RBPMS: variants seen among roughly 807,000 people sequenced by gnomAD.
The protein encoded by RBPMS is RNA-binding protein with multiple splicing.
Under a neutral mutation model 26.8 loss-of-function variants are expected in RBPMS, and 7 were observed. The ratio of observed to expected loss-of-function variants is 0.26; its 90% CI spans 0.15 to 0.49. RBPMS has a LOEUF of 0.49. RBPMS is among the 20% of genes least tolerant of loss of function. The probability of loss-of-function intolerance (pLI) is 0.98; values close to 1 mark genes in which losing one functional copy is unlikely to be tolerated. For missense variants in RBPMS, 186 were observed against 250.0 expected (o/e 0.74, Z 1.73); for synonymous variants, 96 against 93.3 (o/e 1.03, Z -0.17).
At chr8:30,467,076 A>G (rs750811320) in intron 1 of RBPMS, among the ~76,000 whole-genome samples, 6 of 152,256 alleles carry the variant, frequency 3.9e-5, no homozygotes, top group Admixed American at 6.5e-5. Flanking sequence ...AGTGCCAACT[A>G]GAAACTGGAG....
chr8:30,551,681 T>C (rs923269870), intron 6 of RBPMS, among the ~76,000 whole-genome samples: 1 of 152,136 alleles, frequency 6.6e-6, no homozygotes, highest in African/African-American at 2.4e-5. Flanking sequence ...GCTCGGCTCT[T>C]CCCTGGGATT....
intron 6 of RBPMS, chr8:30,544,887 A>G (rs900203300): frequency 7.4e-6 from 11 of 1,492,760 alleles, no homozygotes; most frequent in Middle Eastern, 1.7e-4. Flanking sequence ...ATCGCACATG[A>G]GAGACCGGGG....
At chr8:30,501,510 G>A (rs1336781419) in intron 4 of RBPMS, among the ~76,000 whole-genome samples, 1 of 152,082 alleles carries the variant, frequency 6.6e-6, no homozygotes, top group Non-Finnish European at 1.5e-5. Flanking sequence ...TTCAGCCTCT[G>A]TAGATTATAT....
intron 6 of RBPMS, among the ~76,000 whole-genome samples, chr8:30,557,094 A>G (rs1826995021): frequency 6.6e-6 from 1 of 152,122 alleles, no homozygotes; most frequent in Admixed American, 6.5e-5. Context: ...CCTTTCCCTG[A>G]TACTGGGGAC....
chr8:30,560,101 G>T (rs1827322563), intron 7 of RBPMS, among the ~76,000 whole-genome samples: 2 of 152,198 alleles, frequency 1.3e-5, no homozygotes, highest in Admixed American at 1.3e-4. Context: ...GCGCAGGTCA[G>T]TGCCTGTCAG....
At chr8:30,454,588 C>T (rs1309570414) in intron 1 of RBPMS, among the ~76,000 whole-genome samples, 1 of 152,036 alleles carries the variant, frequency 6.6e-6, no homozygotes, top group East Asian at 1.9e-4. Context: ...GTTTATGTAC[C>T]ATCCTCTTTG....
intron 5 of RBPMS, among the ~76,000 whole-genome samples, chr8:30,515,443 GAT>G (rs1822204516): frequency 6.6e-6 from 1 of 152,136 alleles, no homozygotes; most frequent in African/African-American, 2.4e-5. Context: ...TGACCAGCTA[GAT>G]GCATGTCTCT....
intron 1 of RBPMS, among the ~76,000 whole-genome samples, chr8:30,432,170 T>TC (rs1281535972): frequency 2.0e-5 from 3 of 152,260 alleles, no homozygotes; most frequent in East Asian, 1.9e-4. Context: ...TTCAAAGACT[T>TC]TTTCTTTTGA....
chr8:30,537,677 C>T (rs1346663306), intron 5 of RBPMS: 4 of 455,618 alleles, frequency 8.8e-6, no homozygotes, highest in East Asian at 1.4e-4. Context: ...CTGTGAGAGT[C>T]GTTGGGCTGG....
chr8:30,444,040 G>T (rs1563323629), intron 1 of RBPMS, among the ~76,000 whole-genome samples: 1 of 152,150 alleles, frequency 6.6e-6, no homozygotes, highest in Non-Finnish European at 1.5e-5. Flanking sequence ...GGGACTACAG[G>T]GGGGCACCAC....
chr8:30,513,560 C>T (rs1489649000), intron 5 of RBPMS, among the ~76,000 whole-genome samples: 1 of 143,416 alleles, frequency 7.0e-6, no homozygotes, highest in Non-Finnish European at 1.5e-5. Flanking sequence ...TGCACTCCAG[C>T]CTGGGCGACA....
intron 1 of RBPMS, among the ~76,000 whole-genome samples, chr8:30,389,936 G>T (rs1807588896): frequency 6.6e-6 from 1 of 152,160 alleles, no homozygotes; most frequent in Admixed American, 6.5e-5. Context: ...AGGAGAACCT[G>T]TCCTTACCTC....
At chr8:30,522,332 A>G (rs1169838014) in intron 5 of RBPMS, among the ~76,000 whole-genome samples, 1 of 139,454 alleles carries the variant, frequency 7.2e-6, no homozygotes, top group Non-Finnish European at 1.5e-5. Flanking sequence ...CAAAACAACA[A>G]CAACAACAAC....
chr8:30,467,425 T>C (rs1816632574), intron 1 of RBPMS, among the ~76,000 whole-genome samples: 1 of 152,218 alleles, frequency 6.6e-6, no homozygotes, highest in African/African-American at 2.4e-5. Flanking sequence ...CGATTTATGC[T>C]GCATGGGTAT....
chr8:30,536,168 C>T (rs186874262), intron 5 of RBPMS, among the ~76,000 whole-genome samples: 117 of 144,794 alleles, frequency 8.1e-4, no homozygotes, highest in African/African-American at 2.8e-3. Context: ...ACTCTTGTTG[C>T]CCAGGCTGGA....
intron 5 of RBPMS, among the ~76,000 whole-genome samples, chr8:30,533,349 G>C (rs1369729938): frequency 1.3e-5 from 2 of 152,168 alleles, no homozygotes; most frequent in Admixed American, 1.3e-4. Context: ...CCAGAAGTGG[G>C]GTTTTGTTTT....
chr8:30,555,959 G>A (rs896979349), intron 6 of RBPMS: 7 of 985,326 alleles, frequency 7.1e-6, no homozygotes, highest in Non-Finnish European at 8.4e-6. Flanking sequence ...GAGCCCTGCC[G>A]CTCTGCCGGC....
chr8:30,461,686 C>T (rs1231805677), intron 1 of RBPMS, among the ~76,000 whole-genome samples: 2 of 152,200 alleles, frequency 1.3e-5, no homozygotes, highest in Admixed American at 6.5e-5. Flanking sequence ...TGAGCCACCG[C>T]ACCCGGCCTC....
chr8:30,557,604 T>C (rs1163097896), intron 6 of RBPMS, among the ~76,000 whole-genome samples: 1 of 152,196 alleles, frequency 6.6e-6, no homozygotes, highest in Non-Finnish European at 1.5e-5. Context: ...TGGCTCTTGC[T>C]TCATCACTAA....
Sources: gnomAD v4.1 joint callset for allele counts (sites outside exome capture counted in the v4.1 genomes callset) on GRCh38, gnomAD v4.1.1 for gene constraint, MANE v1.5 for transcripts, NCBI Gene and HGNC (gene_info 2026-07-23, HGNC 2026-07-21) for gene names.